The following PCDHGA4 variants were observed in gnomAD, a reference collection of about 807,000 sequenced individuals.
PCDHGA4 encodes the protein protocadherin gamma subfamily A, 4, also known as protocadherin gamma-A4.
In PCDHGA4, 38 loss-of-function variants were observed where a neutral mutation model predicts 54.6. That is an observed-to-expected ratio of 0.70 (90% CI 0.54 to 0.91). The LOEUF (loss-of-function observed/expected upper bound fraction) is 0.91, where lower values mean the gene tolerates loss of function less well. Among genes scored for constraint, PCDHGA4 ranks in the 40% least tolerant of loss-of-function variants. The pLI, the probability that PCDHGA4 is intolerant of heterozygous loss-of-function variation, is 0.00. For missense variants in PCDHGA4, 1,298 were observed against 1,220.9 expected (o/e 1.06, Z -0.94); for synonymous variants, 511 against 512.9 (o/e 1.00, Z 0.05).
chr5:141,381,820 C>CTTTCTTTCTTTCTTTCTTTCT (rs1279410534), intron 1 of PCDHGA4, among the ~76,000 whole-genome samples: 8 of 119,916 alleles, frequency 6.7e-5, no homozygotes, highest in African/African-American at 2.7e-4. Flanking sequence ...TTCTTTCTTT[C>CTTTCTTTCTTTCTTTCTTTCT]TTCTTCTTTT....
At chr5:141,366,358 CAGTATCA>C (rs1426997728) in intron 1 of PCDHGA4, 16 of 1,613,898 alleles carry the variant, frequency 9.9e-6, no homozygotes, top group African/African-American at 1.3e-5. Context: ...CTGACCTAGG[CAGTATCA>C]AGACCCCCAT....
At chr5:141,427,692 C>A in intron 1 of PCDHGA4, 1 of 903,150 alleles carries the variant, frequency 1.1e-6, no homozygotes, top group Non-Finnish European at 1.8e-6. Context: ...AGCCTCCATC[C>A]CACAAGTCAG....
At chr5:141,364,718 T>G in intron 1 of PCDHGA4, 1 of 1,613,968 alleles carries the variant, frequency 6.2e-7, no homozygotes, top group Non-Finnish European at 8.5e-7. Flanking sequence ...TAATGATAAC[T>G]TCCCGCGTTT....
intron 1 of PCDHGA4, chr5:141,479,563 G>A (rs1469231382): frequency 2.6e-5 from 4 of 152,206 alleles, no homozygotes; most frequent in Admixed American, 2.0e-4. Context: ...ATCCAGTAGT[G>A]GGATGACATC....
chr5:141,393,475 C>G lies in PCDHGA4; in HGVS notation c.2514+35854C>G, dbSNP rs200282311. The G allele has an allele frequency of 1.2e-3, 1,881 of 1,614,046 alleles. 9 individuals are homozygous for G. Among genetic ancestry groups the G allele is most frequent in the South Asian group, 3.4e-3 (312 of 91,088 alleles). On this transcript the variant is annotated intron_variant, in intron 1 of 3. Coordinates refer to ENST00000571252, the MANE Select transcript of PCDHGA4 (RefSeq NM_018917.4). ...ACGGCCTCGGATGGCGGCAAGCCGC[C>G]TCGCTCTAGCACAGTGCGCATCCAC... is the stretch of plus-strand genomic sequence containing the variant.
intron 1 of PCDHGA4, chr5:141,396,614 C>G (rs904107360): frequency 1.3e-5 from 2 of 149,602 alleles, no homozygotes; most frequent in African/African-American, 4.9e-5. Flanking sequence ...GGTGAGACTC[C>G]GTCTCAAAAA....
At chr5:141,400,500 C>T (rs1025270322) in intron 1 of PCDHGA4, 1 of 1,613,922 alleles carries the variant, frequency 6.2e-7, no homozygotes, top group Non-Finnish European at 8.5e-7. Flanking sequence ...GTAATTCCAG[C>T]GAGTCGACTT....
intron 1 of PCDHGA4, among the ~76,000 whole-genome samples, chr5:141,451,498 C>A (rs2098717552): frequency 6.6e-6 from 1 of 152,208 alleles, no homozygotes; most frequent in South Asian, 2.1e-4. Flanking sequence ...CTCCATAGGG[C>A]AACCAGCTTC....
At position 141,511,916 on chromosome 5, in the gene PCDHGA4, C is replaced by T. The variant is rs2099884006; in HGVS notation, c.*743C>T. ...CCACCTCCTCCTCAAACAAGAGACT[C>T]CACTGCATGTTCCAAGACAGTATGG... On this transcript the variant is annotated 3_prime_UTR_variant, in exon 4 of 4. Coordinates refer to ENST00000571252, the MANE Select transcript of PCDHGA4 (RefSeq NM_018917.4). The T allele has an allele frequency of 6.4e-6, 1 of 156,466 alleles. No individual in the cohort carries two copies. The highest frequency in any genetic ancestry group is 2.4e-5 in the African/African-American group (1 of 41,474). The allele number at this position is 156,466 out of a possible 1,614,324, so 9.7% of individuals were successfully genotyped here.
intron 1 of PCDHGA4, chr5:141,371,657 G>T: frequency 6.2e-7 from 1 of 1,613,988 alleles, no homozygotes; most frequent in Non-Finnish European, 8.5e-7. Context: ...ACAATGTGAC[G>T]ATCACAGCTA....
rs774151451 is a variant in PCDHGA4 at position 141,374,148 on chromosome 5, C to A, written c.2514+16527C>A. On this transcript the variant is annotated intron_variant, in intron 1 of 3. Coordinates refer to ENST00000571252, the MANE Select transcript of PCDHGA4 (RefSeq NM_018917.4). The stretch of plus-strand genomic sequence containing the variant: ...GTCCTGCTCCTCACGCTCCTGGGGA[C>A]GCTGTGGGGGGCCGCGGCAGCGCAG... 1.2e-6 allele frequency: 2 copies of A among 1,611,000 alleles called. No individual in the cohort carries two copies. Among genetic ancestry groups the A allele is most frequent in the African/African-American group, 2.7e-5 (2 of 74,910 alleles).
chr5:141,398,908 G>A, intron 1 of PCDHGA4: 2 of 1,613,978 alleles, frequency 1.2e-6, no homozygotes, highest in East Asian at 2.2e-5. Flanking sequence ...AGGCACCACT[G>A]TGTTGCAAGT....
At chr5:141,410,487 A>G in intron 1 of PCDHGA4, 1 of 1,613,970 alleles carries the variant, frequency 6.2e-7, no homozygotes, top group Non-Finnish European at 8.5e-7. Context: ...ACGGGTACAA[A>G]AGAGTTTAAT....
At chr5:141,389,391 G>C (rs544096177) in intron 1 of PCDHGA4, 9 of 1,613,686 alleles carry the variant, frequency 5.6e-6, no homozygotes, top group African/African-American at 1.3e-5. Context: ...GTCATCCTAC[G>C]TGTCCATAAG....
At chr5:141,365,666 A>T in intron 1 of PCDHGA4, 4 of 1,613,398 alleles carry the variant, frequency 2.5e-6, no homozygotes, top group Non-Finnish European at 3.4e-6. Flanking sequence ...AGCAGACGTT[A>T]ATGACAACCC....
At position 141,489,545 on chromosome 5, in the gene PCDHGA4, G is replaced by A. The variant is rs1396651116; in HGVS notation, c.2515-5262G>A. On this transcript the variant is annotated intron_variant, in intron 1 of 3. Transcript: ENST00000571252. The surrounding 1 kb of genome is among the most constrained non-coding windows in gnomAD (Gnocchi z 4.5). ...AGCCTATGTGGAGCCAGCACCAGCT[G>A]CCTGCTGCCAGTGCAGGTGGTGACT... 3 of 1,613,984 alleles carry A rather than the reference G, an allele frequency of 1.9e-6. No individual in the cohort carries two copies. The highest frequency in any genetic ancestry group is 2.5e-6 in the Non-Finnish European group (3 of 1,180,022).
In PCDHGA4 at chr5:141,489,461, A is replaced by G. The variant is rs1329676538; in HGVS notation, c.2515-5346A>G. 5.0e-6 allele frequency: 8 copies of G among 1,613,832 alleles called. No homozygotes were observed. The highest frequency in any genetic ancestry group is 6.8e-6 in the Non-Finnish European group (8 of 1,179,986). On this transcript the variant is annotated intron_variant, in intron 1 of 3. Transcript: ENST00000571252. This position sits in a 1 kb window ranked among gnomAD's most constrained non-coding sequence, Gnocchi z 4.5. ...TTGGGCTCTGAGGAGAATGGGCGCT[A>G]TTTTTCCCTGAGCTTGATGAGTGGT...
In PCDHGA4 at chr5:141,487,917, CTACAGTGCACAGGG is replaced by C; in HGVS notation, c.2515-6879_2515-6866del. On this transcript the variant is annotated intron_variant, in intron 1 of 3. Coordinates refer to ENST00000571252, the MANE Select transcript of PCDHGA4 (RefSeq NM_018917.4). The surrounding 1 kb of genome is among the most constrained non-coding windows in gnomAD (Gnocchi z 5.0). ...TGATGGAATGTGGGAGCACAGGAGG[CTACAGTGCACAGGG>C]TACAGTGCACCAGGCAGTCACTTGG... 1 of 647,994 alleles carries C rather than the reference CTACAGTGCACAGGG, an allele frequency of 1.5e-6. No homozygotes were observed. The highest frequency in any genetic ancestry group is 2.7e-6 in the Non-Finnish European group (1 of 377,182). 40.1% of individuals were successfully genotyped at this position (647,994 alleles called of 1,614,324 possible).
rs1008039711 is a variant in PCDHGA4 at position 141,394,856 on chromosome 5, G to C, written c.2514+37235G>C. 4 of 1,613,674 alleles carry C rather than the reference G, an allele frequency of 2.5e-6. No individual in the cohort carries two copies. In the African/African-American group the frequency reaches 5.3e-5, roughly 22 times the overall value. On this transcript the variant is annotated intron_variant, in intron 1 of 3. Coordinates refer to ENST00000571252, the MANE Select transcript of PCDHGA4 (RefSeq NM_018917.4). ...CCGAGTTGGGCAGTCTGAAGCCTTC[G>C]GTCGACCCGAACGATTCGAGCCTTA... is the stretch of plus-strand genomic sequence containing the variant.
Sources: allele counts gnomAD v4.1 joint callset (sites outside exome capture counted in the v4.1 genomes callset), GRCh38; gene constraint gnomAD v4.1.1; non-coding constraint Gnocchi (gnomAD v3.1); transcripts MANE v1.5; gene names NCBI Gene and HGNC (gene_info 2026-07-23, HGNC 2026-07-21).